Variants in FUT9 observed in about 807,000 individuals in gnomAD.
FUT9 encodes the protein 4-galactosyl-N-acetylglucosaminide 3-alpha-L-fucosyltransferase 9.
Under a neutral mutation model 29.7 loss-of-function variants are expected in FUT9, and 15 were observed. The observed-to-expected ratio is 0.51, with a 90% CI of 0.34 to 0.78. The LOEUF (loss-of-function observed/expected upper bound fraction) is 0.78. Ranked by LOEUF, FUT9 falls within the 30% of genes least tolerant of loss-of-function variation. The pLI is 0.01. For synonymous variants in FUT9, 169 were observed against 153.7 expected (o/e 1.10, Z -0.74); for missense variants, 319 against 425.4 (o/e 0.75, Z 2.20).
chr6:96,063,363 A>G (rs1770908524), intron 1 of FUT9, among the ~76,000 whole-genome samples: 2 of 152,186 alleles, frequency 1.3e-5, no homozygotes, highest in Admixed American at 6.5e-5. Context: ...CAATCATGGC[A>G]GAAGGCAAAG....
chr6:96,094,386 G>A lies in FUT9; in HGVS notation c.-97-19653G>A, dbSNP rs74650697. On this transcript the variant is annotated intron_variant, in intron 1 of 2. Transcript: ENST00000302103. ...AATAATGGCCCCAAAGCACAAGGAT[G>A]CTGGCTATTTGGATATGGCAAAGAG... Among the ~76,000 whole-genome samples, 45 of 152,228 alleles carry A rather than the reference G, an allele frequency of 3.0e-4. No homozygotes were observed. The East Asian group carries it at 7.9e-3, about 27-fold the overall frequency.
intron 2 of FUT9, among the ~76,000 whole-genome samples, chr6:96,126,732 C>T (rs1772140596): frequency 6.6e-6 from 1 of 152,174 alleles, no homozygotes; most frequent in African/African-American, 2.4e-5. Flanking sequence ...ATGTTATTTA[C>T]TATTATAAAC....
chr6:96,022,309 A>C (rs1770083254), intron 1 of FUT9, among the ~76,000 whole-genome samples: 1 of 152,018 alleles, frequency 6.6e-6, no homozygotes, highest in Non-Finnish European at 1.5e-5. Flanking sequence ...CCTTGTTTTG[A>C]AGAGGCTGCA....
intron 2 of FUT9, among the ~76,000 whole-genome samples, chr6:96,118,594 A>G (rs951168273): frequency 2.0e-5 from 3 of 152,238 alleles, no homozygotes; most frequent in Non-Finnish European, 4.4e-5. Context: ...CAATTATGTT[A>G]TAGTTTATGT....
At chr6:96,123,048 G>A (rs541508755) in intron 2 of FUT9, among the ~76,000 whole-genome samples, 7 of 105,170 alleles carry the variant, frequency 6.7e-5, no homozygotes, top group Non-Finnish European at 1.2e-4. Flanking sequence ...AGACAGCCGC[G>A]AGACTCAGTC....
intron 2 of FUT9, among the ~76,000 whole-genome samples, chr6:96,186,829 C>G (rs935875135): frequency 6.6e-6 from 1 of 152,098 alleles, no homozygotes; most frequent in Non-Finnish European, 1.5e-5. Flanking sequence ...CTTTCTCTAC[C>G]TTTTTACTTT....
intron 2 of FUT9, among the ~76,000 whole-genome samples, chr6:96,152,891 G>A (rs569490894): frequency 1.7e-4 from 26 of 152,280 alleles, no homozygotes; most frequent in African/African-American, 5.1e-4. Context: ...CATAAAAAGC[G>A]TTTGCATTCC....
intron 1 of FUT9, among the ~76,000 whole-genome samples, chr6:96,063,165 T>C (rs117205727): frequency 2.0e-3 from 299 of 152,312 alleles, no homozygotes; most frequent in Non-Finnish European, 3.3e-3. Flanking sequence ...TGTGGATTTA[T>C]GGAAAATGAG....
intron 1 of FUT9, among the ~76,000 whole-genome samples, chr6:96,019,982 T>G (rs1455849688): frequency 2.0e-5 from 3 of 152,092 alleles, no homozygotes; most frequent in African/African-American, 7.2e-5. Flanking sequence ...GAAGTCAGTA[T>G]TAATGTTAAA....
intron 2 of FUT9, among the ~76,000 whole-genome samples, chr6:96,196,511 C>T (rs1244074324): frequency 6.6e-6 from 1 of 151,774 alleles, no homozygotes; most frequent in Non-Finnish European, 1.5e-5. Context: ...CAGGAGATCG[C>T]GATCATCCCA....
rs377744363 is a variant in FUT9, at chr6:96,042,040, CA to C, written c.-98+25829del. The stretch of plus-strand genomic sequence containing the variant: ...AAGTACTTGCCTCTGGAATAGAAAC[CA>C]TCCTATAACTTTCAGTTATTTCCAG... On this transcript the variant is annotated intron_variant, in intron 1 of 2. Transcript: ENST00000302103. Among the ~76,000 whole-genome samples the C allele has an allele frequency of 1.9e-3, 296 of 152,218 alleles. 1 individual carries two copies. Among genetic ancestry groups the C allele is most frequent in the African/African-American group, 6.8e-3 (282 of 41,522 alleles).
intron 2 of FUT9, among the ~76,000 whole-genome samples, chr6:96,189,934 T>C (rs1417915160): frequency 6.6e-6 from 1 of 152,202 alleles, no homozygotes; most frequent in Non-Finnish European, 1.5e-5. Context: ...TATGTGTAAA[T>C]TTGATCCTGT....
At chr6:96,188,661 G>T (rs1464152597) in intron 2 of FUT9, among the ~76,000 whole-genome samples, 1 of 150,252 alleles carries the variant, frequency 6.7e-6, no homozygotes, top group South Asian at 2.1e-4. Context: ...GTGTGTGTGT[G>T]TTTAAACACA....
chr6:96,145,086 C>G (rs1023372310), intron 2 of FUT9, among the ~76,000 whole-genome samples: 1 of 152,040 alleles, frequency 6.6e-6, no homozygotes, highest in Admixed American at 6.6e-5. Flanking sequence ...GAGATGGAGT[C>G]TTGCTCTGTC....
Position 96,203,128 on chromosome 6 carries a change from T to C in FUT9, c.-8-20T>C, listed in dbSNP as rs751044507. ...TCATTCCCACCGCTACCTCCCCTTC[T>C]GTCTTTCTCTATTTCGTAGGAAAAA... On this transcript the variant is annotated intron_variant, in intron 2 of 2. Transcript: ENST00000302103. 6.4e-7 allele frequency: 1 copy of C among 1,554,064 alleles called. No individual in the cohort carries two copies. Among genetic ancestry groups the C allele is most frequent in the African/African-American group, 1.4e-5 (1 of 73,154 alleles).
At chr6:96,171,107 G>C (rs1252202585) in intron 2 of FUT9, among the ~76,000 whole-genome samples, 1 of 152,098 alleles carries the variant, frequency 6.6e-6, no homozygotes, top group African/African-American at 2.4e-5. Context: ...AATGAAAAGG[G>C]GCAATAACTG....
chr6:96,021,724 A>G (rs1051697563), intron 1 of FUT9, among the ~76,000 whole-genome samples: 2 of 152,048 alleles, frequency 1.3e-5, no homozygotes, highest in African/African-American at 2.4e-5. Context: ...AATTTGGGAG[A>G]AGTATATGGC....
intron 1 of FUT9, among the ~76,000 whole-genome samples, chr6:96,055,813 G>C (rs1042607236): frequency 6.6e-6 from 1 of 150,778 alleles, no homozygotes; most frequent in African/African-American, 2.4e-5. Context: ...CCACAGTGCT[G>C]GGATTAAAGG....
intron 1 of FUT9, among the ~76,000 whole-genome samples, chr6:96,090,472 A>T (rs1313645611): frequency 6.6e-6 from 1 of 151,900 alleles, no homozygotes; most frequent in East Asian, 1.9e-4. Flanking sequence ...AATTATATCA[A>T]CTCATAATTA....
Sources: gnomAD v4.1 joint callset for allele counts (sites outside exome capture counted in the v4.1 genomes callset) on GRCh38, gnomAD v4.1.1 for gene constraint, MANE v1.5 for transcripts, NCBI Gene and HGNC (gene_info 2026-07-23, HGNC 2026-07-21) for gene names.